The following GALNT13 variants were observed in gnomAD, a reference collection of about 807,000 sequenced individuals.
GALNT13 encodes polypeptide N-acetylgalactosaminyltransferase 13.
A neutral mutation model predicts 64.2 loss-of-function variants in GALNT13; 28 were observed. The ratio of observed to expected loss-of-function variants is 0.44; its 90% CI spans 0.32 to 0.60. The LOEUF is 0.60. Among genes scored for constraint, GALNT13 ranks in the 20% least tolerant of loss-of-function variants. GALNT13 has a pLI of 0.05. For synonymous variants in GALNT13, 214 were observed against 224.6 expected, an observed-to-expected ratio of 0.95 and a Z score of 0.42; for missense variants, 577 against 669.8, an observed-to-expected ratio of 0.86 and a Z score of 1.53.
chr2:153,151,232 G>A, the GALNT13 span, among the ~76,000 whole-genome samples: 1 of 151,900 alleles, frequency 6.6e-6, no homozygotes, highest in Non-Finnish European at 1.5e-5. Flanking sequence ...ATGAAAAAAT[G>A]CTAATCATCA....
the GALNT13 span, among the ~76,000 whole-genome samples, chr2:153,821,707 A>T: frequency 6.6e-6 from 1 of 152,228 alleles, no homozygotes; most frequent in Non-Finnish European, 1.5e-5. Flanking sequence ...CCCCAGAGCT[A>T]GTAGAAGAAA....
the GALNT13 span, among the ~76,000 whole-genome samples, chr2:153,493,209 A>C: frequency 1.3e-5 from 2 of 152,110 alleles, no homozygotes; most frequent in Non-Finnish European, 2.9e-5. Context: ...CAATAGAAAA[A>C]ATTAATGCAG....
At chr2:154,297,598 C>A (rs1473908609) in intron 8 of GALNT13, among the ~76,000 whole-genome samples, 1 of 152,182 alleles carries the variant, frequency 6.6e-6, no homozygotes, top group Admixed American at 6.5e-5. Context: ...TGATCTTTAA[C>A]TTCCCAGCCT....
At chr2:153,434,551 G>A in the GALNT13 span, among the ~76,000 whole-genome samples, 3 of 152,090 alleles carry the variant, frequency 2.0e-5, no homozygotes, top group African/African-American at 7.2e-5. Flanking sequence ...ATCTCATTGT[G>A]GTTTTGATTT....
intron 12 of GALNT13, among the ~76,000 whole-genome samples, chr2:154,448,389 T>C (rs998391882): frequency 6.6e-6 from 1 of 151,966 alleles, no homozygotes; most frequent in Non-Finnish European, 1.5e-5. Context: ...AGGGAAAAAC[T>C]GTATTTGTAA....
At chr2:154,043,946 G>T (rs1342059912) in intron 3 of GALNT13, among the ~76,000 whole-genome samples, 1 of 151,994 alleles carries the variant, frequency 6.6e-6, no homozygotes, top group Non-Finnish European at 1.5e-5. Flanking sequence ...GGTGGCATGT[G>T]CCTGTAGTCC....
the GALNT13 span, among the ~76,000 whole-genome samples, chr2:153,436,264 A>T: frequency 7.2e-5 from 11 of 152,184 alleles, no homozygotes; most frequent in African/African-American, 1.9e-4. Context: ...ATCGATGTTC[A>T]TCAAGGATAT....
At chr2:153,767,989 A>G in the GALNT13 span, among the ~76,000 whole-genome samples, 1 of 151,746 alleles carries the variant, frequency 6.6e-6, no homozygotes, top group South Asian at 2.1e-4. Flanking sequence ...TTTTTGTTGC[A>G]TTTGCTTGTA....
At chr2:153,656,488 T>G in the GALNT13 span, among the ~76,000 whole-genome samples, 13 of 152,162 alleles carry the variant, frequency 8.5e-5, no homozygotes, top group Non-Finnish European at 1.6e-4. Flanking sequence ...CTATTTTATC[T>G]GTTTCTCTTG....
chr2:153,922,772 A>G (rs1689843649), intron 2 of GALNT13, among the ~76,000 whole-genome samples: 1 of 152,158 alleles, frequency 6.6e-6, no homozygotes. Context: ...TTAATTAGCA[A>G]TGACTGGCAT....
the GALNT13 span, among the ~76,000 whole-genome samples, chr2:153,672,980 C>T: frequency 3.9e-5 from 6 of 152,208 alleles, no homozygotes; most frequent in African/African-American, 1.4e-4. Flanking sequence ...AATTCTTGGA[C>T]ACATACACCC....
intron 3 of GALNT13, among the ~76,000 whole-genome samples, chr2:154,071,439 C>G (rs1231964737): frequency 6.6e-6 from 1 of 152,060 alleles, no homozygotes; most frequent in Non-Finnish European, 1.5e-5. Context: ...TAAATGAGTG[C>G]TTTTATTGCA....
At chr2:154,334,660 A>G (rs1467620225) in intron 9 of GALNT13, among the ~76,000 whole-genome samples, 1 of 152,022 alleles carries the variant, frequency 6.6e-6, no homozygotes, top group African/African-American at 2.4e-5. Flanking sequence ...GTTGTTTCTA[A>G]CGCCAGAATA....
At position 154,041,131 on chromosome 2, in the gene GALNT13, T is replaced by C. The variant is rs1229415054; in HGVS notation, c.142+96492T>C. On this transcript the variant is annotated intron_variant, in intron 3 of 12. Coordinates refer to ENST00000392825, the MANE Select transcript of GALNT13 (RefSeq NM_052917.4). ...AAGGATAAGAAATTCAGGGATTATATTGTTCTTTGGTAAAAAATCTTTGTT... is the reference window on the plus strand; with the variant it reads ...AAGGATAAGAAATTCAGGGATTATACTGTTCTTTGGTAAAAAATCTTTGTT... 2.1e-5 allele frequency among the ~76,000 whole-genome samples: 3 copies of C among 140,588 alleles called. 1 individual carries two copies. The highest frequency in any genetic ancestry group is 4.9e-5 in the Non-Finnish European group (3 of 61,168). 92.2% of individuals were successfully genotyped at this position (140,588 alleles called of 152,430 possible). A position where few individuals can be genotyped will look rare whatever the true frequency, so the allele number is the denominator to read the frequency against.
chr2:153,246,453 G>A, the GALNT13 span, among the ~76,000 whole-genome samples: 1 of 152,208 alleles, frequency 6.6e-6, no homozygotes, highest in Non-Finnish European at 1.5e-5. Context: ...GAATCTCTCT[G>A]CAGAAAACCC....
At chr2:153,925,322 T>C (rs1282115688) in intron 2 of GALNT13, among the ~76,000 whole-genome samples, 1 of 152,142 alleles carries the variant, frequency 6.6e-6, no homozygotes, top group African/African-American at 2.4e-5. Flanking sequence ...GCTTTCCCCA[T>C]TGCTTGTTTT....
chr2:153,526,873 G>A, the GALNT13 span, among the ~76,000 whole-genome samples: 6 of 152,186 alleles, frequency 3.9e-5, no homozygotes, highest in East Asian at 1.2e-3. Flanking sequence ...ACAAGCAGAA[G>A]TTCTGGAGCT....
chr2:153,599,057 C>A, the GALNT13 span, among the ~76,000 whole-genome samples: 1 of 152,102 alleles, frequency 6.6e-6, no homozygotes, highest in South Asian at 2.1e-4. Context: ...GGTATTCGTT[C>A]TTAAAACTTA....
chr2:153,321,793 A>C, the GALNT13 span, among the ~76,000 whole-genome samples: 1 of 152,150 alleles, frequency 6.6e-6, no homozygotes, highest in Non-Finnish European at 1.5e-5. Flanking sequence ...GTACATGCAA[A>C]GTGTTTGGTA....
Sources: gnomAD v4.1 joint callset for allele counts (sites outside exome capture counted in the v4.1 genomes callset) on GRCh38, gnomAD v4.1.1 for gene constraint, MANE v1.5 for transcripts, NCBI Gene and HGNC (gene_info 2026-07-23, HGNC 2026-07-21) for gene names.